NLRP5: variants seen among roughly 807,000 people sequenced by gnomAD.
NLRP5 encodes NLR family pyrin domain containing 5, also known as NACHT, LRR and PYD domains-containing protein 5.
NLRP5 carries 93 observed loss-of-function variants against 113.1 expected under a neutral mutation model. The ratio of observed to expected loss-of-function variants is 0.82; its 90% CI spans 0.70 to 0.98. NLRP5 has a LOEUF of 0.98. Ranked by LOEUF, NLRP5 falls within the 50% of genes least tolerant of loss-of-function variation. The probability of loss-of-function intolerance (pLI) is 0.00; values close to 1 mark genes in which losing one functional copy is unlikely to be tolerated. For synonymous variants in NLRP5, 751 were observed against 600.7 expected, an observed-to-expected ratio of 1.25 and a Z score of -3.66; for missense variants, 1,808 against 1,514.3, an observed-to-expected ratio of 1.19 and a Z score of -3.22.
At chr19:56,033,495 A>G (rs1234362771) in intron 8 of NLRP5, 47 bp from the exon 9 acceptor site, 1 of 1,453,468 alleles carries the variant, frequency 6.9e-7, no homozygotes, top group East Asian at 2.3e-5. Flanking sequence ...ATGAGGATAC[A>G]ACTAAACATC....
At chr19:56,032,344 C>G (rs916904788) in intron 7 of NLRP5, among the ~76,000 whole-genome samples, 1 of 123,614 alleles carries the variant, frequency 8.1e-6, no homozygotes, top group Non-Finnish European at 1.7e-5. Context: ...GACTCCATCT[C>G]AAAAAAAAAA....
At chr19:56,057,762 A>C (rs898227583) in intron 13 of NLRP5, among the ~76,000 whole-genome samples, 4 of 152,212 alleles carry the variant, frequency 2.6e-5, no homozygotes, top group Admixed American at 1.3e-4. Context: ...GCAGTGGCTC[A>C]TGCCTGTAAT....
the NLRP5 span, among the ~76,000 whole-genome samples, chr19:55,990,687 T>C: frequency 6.6e-6 from 1 of 151,828 alleles, no homozygotes. Flanking sequence ...TAGCCGGGCA[T>C]GGTGGTGGGC....
intron 3 of NLRP5, 73 bp from the exon 4 acceptor site, chr19:56,015,669 G>A: frequency 8.1e-7 from 1 of 1,241,064 alleles, no homozygotes; most frequent in Non-Finnish European, 1.1e-6. Context: ...GTTTATCTGG[G>A]GTGTCCAACA....
In NLRP5 at chr19:56,027,884, C is replaced by G; in HGVS notation, c.1651C>G (p.Leu551Val). Residue 551 changes from leucine to valine, a missense_variant, in exon 7 of 15, where the codon CTC (leucine) becomes GTC (valine). Leu to Val is a conservative substitution (Grantham distance 32, BLOSUM62 1). Coordinates refer to ENST00000390649, the MANE Select transcript of NLRP5 (RefSeq NM_153447.4). ...GAAGTCAGTGTTTGACGGTGACGAC[C>G]TCATGGTTCAAGGACTCGGGGAGTC... 6.2e-7 allele frequency: 1 copy of G among 1,613,890 alleles called. No individual in the cohort carries two copies. The highest frequency in any genetic ancestry group is 8.5e-7 in the Non-Finnish European group (1 of 1,179,852).
At position 56,057,034 on chromosome 19, in the gene NLRP5, G is replaced by C. The variant is rs528264239; in HGVS notation, c.3300-1206G>C. On this transcript the variant is annotated intron_variant, in intron 13 of 14. Transcript: ENST00000390649. Reference sequence around the variant, plus strand: ...GCTTGTAATCCCAGCTACTCAGGAGGCTGAGTCAGGAGAATCACTTGAACT... The same window carrying C: ...GCTTGTAATCCCAGCTACTCAGGAGCCTGAGTCAGGAGAATCACTTGAACT... 2.4e-3 allele frequency among the ~76,000 whole-genome samples: 366 copies of C among 152,252 alleles called. 1 individual carries two copies. Among genetic ancestry groups the C allele is most frequent in the Non-Finnish European group, 2.9e-3 (199 of 68,014 alleles).
Position 56,026,921 on chromosome 19 carries a change from G to C in NLRP5, c.688G>C (p.Gly230Arg). Residue 230 changes from glycine (G) to arginine (R), a missense_variant, in exon 7 of 15, where the codon GGT (glycine) becomes CGT (arginine). Physicochemically the swap from Gly to Arg is moderately radical, Grantham distance 125. Coordinates refer to ENST00000390649, the MANE Select transcript of NLRP5 (RefSeq NM_153447.4). ...ACCCTCTCTGACTCCAGGACATGGA[G>C]GTGACACATGGGACTACAAGAGTCA... 6.4e-7 allele frequency: 1 copy of C among 1,550,788 alleles called. No homozygotes were observed. Among genetic ancestry groups the C allele is most frequent in the South Asian group, 1.2e-5 (1 of 84,020 alleles).
intron 6 of NLRP5, among the ~76,000 whole-genome samples, chr19:56,022,914 T>C (rs1982673068): frequency 6.6e-6 from 1 of 152,052 alleles, no homozygotes; most frequent in African/African-American, 2.4e-5. Context: ...AGTAGAGAGA[T>C]GGGGTTTGTC....
chr19:56,047,430 G>A (rs1983768657), intron 11 of NLRP5, among the ~76,000 whole-genome samples: 1 of 150,684 alleles, frequency 6.6e-6, no homozygotes, highest in African/African-American at 2.4e-5. Flanking sequence ...TTGATAGATT[G>A]TGTCATTGTT....
In NLRP5 at chr19:56,004,129, A is replaced by AG. The variant is rs761940561; in HGVS notation, c.442+38dup. 10 of 1,557,410 alleles carry AG rather than the reference A, an allele frequency of 6.4e-6. No homozygotes were observed. The East Asian group carries it at 1.8e-4, about 28-fold the overall frequency. ...GACTTGGGACAAGTCTAGGGCAGGG[A>AG]GGGGAGGTGATTTCAGGTTCTCATG... On this transcript the variant is annotated intron_variant, in intron 2 of 14. Transcript: ENST00000390649.
chr19:56,008,890 T>G (rs1339577246), intron 3 of NLRP5, 37 bp downstream of exon 3: 1 of 1,572,124 alleles, frequency 6.4e-7, no homozygotes, highest in East Asian at 2.3e-5. Context: ...AGGATGTGCT[T>G]AAAGACACAT....
intron 8 of NLRP5, 31 bp downstream of exon 8, chr19:56,032,812 C>G: frequency 6.3e-7 from 1 of 1,577,250 alleles, no homozygotes; most frequent in Non-Finnish European, 8.6e-7. Context: ...CGAGAGAATC[C>G]CTTCCCATGA....
At chr19:56,005,322 CATATTTATATATACACAT>C (rs1568481679) in intron 2 of NLRP5, among the ~76,000 whole-genome samples, 1 of 144,710 alleles carries the variant, frequency 6.9e-6, no homozygotes, top group African/African-American at 2.6e-5. Flanking sequence ...TATATACACA[CATATTTATATATACACAT>C]ACACATACAC....
chr19:56,054,992 C>CTTT lies in NLRP5; in HGVS notation c.3299+1207_3299+1209dup, dbSNP rs869165472. Among the ~76,000 whole-genome samples the CTTT allele has an allele frequency of 1.6e-3, 97 of 62,396 alleles. 3 individuals carry two copies. In the East Asian group the frequency reaches 0.038, roughly 25 times the overall value. 40.9% of individuals were successfully genotyped at this position (62,396 alleles called of 152,430 possible). A position where few individuals can be genotyped will look rare whatever the true frequency, so the allele number is the denominator to read the frequency against. Reference sequence around the variant, plus strand: ...AGGCTTTAATCTGGGCACCCCTCCCCTTTTTTTTTTTTTTTTTTTTTTTTT... The same window carrying CTTT: ...AGGCTTTAATCTGGGCACCCCTCCCCTTTTTTTTTTTTTTTTTTTTTTTTTTTT... On this transcript the variant is annotated intron_variant, in intron 13 of 14. Coordinates refer to ENST00000390649, the MANE Select transcript of NLRP5 (RefSeq NM_153447.4).
the NLRP5 span, among the ~76,000 whole-genome samples, chr19:55,986,932 G>A: frequency 6.6e-6 from 1 of 152,168 alleles, no homozygotes; most frequent in Non-Finnish European, 1.5e-5. Flanking sequence ...CCTTCTGGCT[G>A]CTCAAAGCCC....
intron 11 of NLRP5, among the ~76,000 whole-genome samples, chr19:56,049,669 A>T (rs1395928936): frequency 6.6e-6 from 1 of 151,952 alleles, no homozygotes; most frequent in Non-Finnish European, 1.5e-5. Context: ...ACCATTTCAC[A>T]TTTCTAAAAA....
chr19:56,024,555 A>G (rs1599889624), intron 6 of NLRP5, among the ~76,000 whole-genome samples: 1 of 143,864 alleles, frequency 7.0e-6, no homozygotes, highest in Non-Finnish European at 1.5e-5. Context: ...GTATATGTGT[A>G]TATATGTATA....
intron 1 of NLRP5, among the ~76,000 whole-genome samples, chr19:56,002,441 C>A (rs1981690292): frequency 6.6e-6 from 1 of 151,410 alleles, no homozygotes; most frequent in Non-Finnish European, 1.5e-5. Flanking sequence ...TGGTAGGAAT[C>A]TATTTGCCAG....
chr19:56,012,588 A>T (rs1415005114), intron 3 of NLRP5, among the ~76,000 whole-genome samples: 2 of 151,852 alleles, frequency 1.3e-5, no homozygotes, highest in East Asian at 3.8e-4. Context: ...AAAAAAAAAA[A>T]AAATCCTTCA....
Sources: gnomAD v4.1 joint callset for allele counts (sites outside exome capture counted in the v4.1 genomes callset) on GRCh38, gnomAD v4.1.1 for gene constraint, MANE v1.5 for transcripts, NCBI Gene and HGNC (gene_info 2026-07-23, HGNC 2026-07-21) for gene names.